SI: variants seen among roughly 807,000 people sequenced by gnomAD.
SI encodes sucrase-isomaltase, intestinal.
SI carries 235 observed loss-of-function variants against 253.3 expected under a neutral mutation model. The ratio of observed to expected loss-of-function variants is 0.93; its 90% CI spans 0.83 to 1.03. The LOEUF (loss-of-function observed/expected upper bound fraction) is 1.03, where lower values mean the gene tolerates loss of function less well. SI is among the 50% of genes least tolerant of loss of function. The pLI, the probability that SI is intolerant of heterozygous loss-of-function variation, is 0.00. For missense variants in SI, 2,442 were observed against 2,211.1 expected, an observed-to-expected ratio of 1.10 and a Z score of -2.09; for synonymous variants, 819 against 712.0, an observed-to-expected ratio of 1.15 and a Z score of -2.39.
chr3:165,063,355 A>G (rs1334935870), intron 8 of SI, 87 bp downstream of exon 8: 1 of 691,214 alleles, frequency 1.4e-6, no homozygotes, highest in East Asian at 2.7e-5. Flanking sequence ...TTACTCTCAC[A>G]TACAATATGA....
intron 3 of SI, among the ~76,000 whole-genome samples, chr3:165,070,158 T>G (rs1331298859): frequency 7.5e-6 from 1 of 132,528 alleles, no homozygotes; most frequent in African/African-American, 2.7e-5. Flanking sequence ...ATTTATTATA[T>G]ATAAAATATA....
intron 9 of SI, among the ~76,000 whole-genome samples, chr3:165,061,321 T>C (rs1576916846): frequency 6.8e-6 from 1 of 147,272 alleles, no homozygotes; most frequent in Admixed American, 6.7e-5. Context: ...TTCTCTCTCT[T>C]GTTCATGTGA....
intron 12 of SI, among the ~76,000 whole-genome samples, chr3:165,055,841 T>G (rs966201360): frequency 6.6e-6 from 1 of 152,122 alleles, no homozygotes; most frequent in Non-Finnish European, 1.5e-5. Context: ...TATCACCACT[T>G]ACAGATGAGG....
intron 27 of SI, among the ~76,000 whole-genome samples, chr3:165,020,735 A>G (rs1156562401): frequency 6.6e-6 from 1 of 151,574 alleles, no homozygotes; most frequent in African/African-American, 2.4e-5. Flanking sequence ...TAAAATAAAG[A>G]CTACAATTTT....
intron 5 of SI, among the ~76,000 whole-genome samples, chr3:165,068,014 T>C (rs1168445503): frequency 6.6e-6 from 1 of 152,030 alleles, no homozygotes; most frequent in East Asian, 1.9e-4. Flanking sequence ...AATTTGGTGC[T>C]GTTTTTACTT....
At chr3:165,087,148 C>CA in the SI span, among the ~76,000 whole-genome samples, 4 of 98,288 alleles carry the variant, frequency 4.1e-5, no homozygotes, top group East Asian at 5.7e-4. Context: ...CAAAACAAAA[C>CA]AAACAAACAA....
chr3:165,054,070 T>G lies in SI; in HGVS notation c.1512+1124A>C, dbSNP rs555590594. Reference sequence around the variant, plus strand: ...CAGCAGAAACATAATCTTTCCATCTTTGTATTCCCAACAACATGTCTGATA... The same window carrying G: ...CAGCAGAAACATAATCTTTCCATCTGTGTATTCCCAACAACATGTCTGATA... On this transcript the variant is annotated intron_variant, in intron 13 of 47. Transcript: ENST00000264382. 4.2e-4 allele frequency among the ~76,000 whole-genome samples: 64 copies of G among 152,218 alleles called. 1 individual carries two copies. In the South Asian group the frequency reaches 0.012, roughly 30 times the overall value.
intron 18 of SI, 124 bp from the exon 19 acceptor site, chr3:165,040,095 A>C: frequency 1.3e-6 from 1 of 771,454 alleles, no homozygotes; most frequent in South Asian, 1.4e-5. Flanking sequence ...TGCTTGTTTC[A>C]GATGACATTT....
chr3:164,984,856 C>T (rs1717362071), intron 45 of SI, among the ~76,000 whole-genome samples: 1 of 152,050 alleles, frequency 6.6e-6, no homozygotes, highest in South Asian at 2.1e-4. Context: ...GTTGTGTTTG[C>T]TGTGAGAGAA....
In SI at chr3:165,059,920, C is replaced by T; in HGVS notation, c.1128G>A (p.Arg376=). Reference sequence around the variant, plus strand: ...TACTTACAAATGGTATGCCAGCTTCCCGGTTTCTCCTTACCACTTCTTTCA... The same window carrying T: ...TACTTACAAATGGTATGCCAGCTTCTCGGTTTCTCCTTACCACTTCTTTCA... ...DVVKEVVRRN[R]EAGIPFDTQV... is the part of the protein sequence containing the mutation. Residue 376 remains arginine (R), a synonymous_variant, in exon 10 of 48, where the codon CGG becomes CGA. Coordinates refer to ENST00000264382, the MANE Select transcript of SI (RefSeq NM_001041.4). The T allele has an allele frequency of 6.2e-7, 1 of 1,611,832 alleles. No individual in the cohort carries two copies. Among genetic ancestry groups the T allele is most frequent in the Non-Finnish European group, 8.5e-7 (1 of 1,178,408 alleles).
intron 31 of SI, 67 bp from the exon 32 acceptor site, chr3:165,016,147 C>T: frequency 2.2e-6 from 3 of 1,383,210 alleles, no homozygotes; most frequent in Non-Finnish European, 3.1e-6. Flanking sequence ...CATATTTTAT[C>T]ATACTTATAA....
chr3:165,082,566 T>C (rs1296262651), upstream of SI, among the ~76,000 whole-genome samples: 2 of 151,990 alleles, frequency 1.3e-5, no homozygotes, highest in African/African-American at 4.8e-5. Context: ...TACTTTTCCC[T>C]TCATAACAAT....
intron 45 of SI, 51 bp from the exon 46 acceptor site, chr3:164,983,102 C>A: frequency 6.7e-7 from 1 of 1,489,416 alleles, no homozygotes; most frequent in South Asian, 1.1e-5. Flanking sequence ...AAAGAAGAAC[C>A]ATAGTAAATA....
chr3:165,009,823 T>A (rs1718690768), intron 34 of SI, among the ~76,000 whole-genome samples: 2 of 152,202 alleles, frequency 1.3e-5, no homozygotes, highest in South Asian at 2.1e-4. Context: ...ACCACCCTCA[T>A]CAACTGCTTC....
Position 165,032,614 on chromosome 3 carries a change from C to G in SI, c.2644G>C (p.Gly882Arg). The G allele has an allele frequency of 1.2e-6, 2 of 1,608,778 alleles. No homozygotes were observed. Among genetic ancestry groups the G allele is most frequent in the Non-Finnish European group, 1.7e-6 (2 of 1,176,398 alleles). ...ACTTCTGTAACACTGTCTGTCAACC[C>G]AAGGATTTTTACAGTCTGAAATGCT... The part of the protein sequence containing the change: ...TLAFQTVKIL[G>R]LTDSVTEVRV... Residue 882 changes from glycine to arginine, a missense_variant, in exon 24 of 48, where the codon GGG (glycine) becomes CGG (arginine). Gly to Arg is a moderately radical substitution (Grantham distance 125). Transcript: ENST00000264382.
At chr3:165,034,201 C>A (rs936415677) in intron 22 of SI, among the ~76,000 whole-genome samples, 1 of 151,812 alleles carries the variant, frequency 6.6e-6, no homozygotes, top group Non-Finnish European at 1.5e-5. Flanking sequence ...TGTTTGCTTA[C>A]AAATCCATTA....
intron 22 of SI, 121 bp from the exon 23 acceptor site, chr3:165,033,565 C>A: frequency 1.0e-6 from 1 of 970,936 alleles, no homozygotes; most frequent in Non-Finnish European, 1.3e-6. Flanking sequence ...AATGAAGCAT[C>A]CCAAACAGAT....
chr3:165,063,588 C>T (rs748885800), intron 7 of SI, 47 bp from the exon 8 acceptor site: 4 of 823,404 alleles, frequency 4.9e-6, no homozygotes, highest in Non-Finnish European at 8.3e-6. Flanking sequence ...ATGTTTAAAA[C>T]ACAAAAAGAT....
intron 12 of SI, among the ~76,000 whole-genome samples, chr3:165,056,924 C>G (rs540689368): frequency 1.3e-5 from 2 of 152,054 alleles, no homozygotes; most frequent in African/African-American, 4.8e-5. Flanking sequence ...CTTCAGTGCC[C>G]AGACAGTGAC....
Sources: allele counts gnomAD v4.1 joint callset (sites outside exome capture counted in the v4.1 genomes callset), GRCh38; gene constraint gnomAD v4.1.1; transcripts MANE v1.5; gene names NCBI Gene and HGNC (gene_info 2026-07-23, HGNC 2026-07-21).